The following PDE4D variants were observed in gnomAD, a reference collection of about 807,000 sequenced individuals.
PDE4D encodes phosphodiesterase 4D.
A neutral mutation model predicts 87.4 loss-of-function variants in PDE4D; 24 were observed. The ratio of observed to expected loss-of-function variants is 0.27; its 90% confidence interval spans 0.20 to 0.39. The LOEUF is 0.39. PDE4D is among the 10% of genes least tolerant of loss of function. The probability of loss-of-function intolerance (pLI) is 1.00; values close to 1 mark genes in which losing one functional copy is unlikely to be tolerated. For synonymous variants in PDE4D, 384 were observed against 383.2 expected, an observed-to-expected ratio of 1.00 and a Z score of -0.02; for missense variants, 714 against 1,041.0, an observed-to-expected ratio of 0.69 and a Z score of 4.32.
At chr5:60,261,720 G>A (rs532664253) in intron 1 of PDE4D, among the ~76,000 whole-genome samples, 4 of 152,084 alleles carry the variant, frequency 2.6e-5, no homozygotes, top group African/African-American at 7.2e-5. Flanking sequence ...TGCATTGATC[G>A]GGCTTAAGTC....
chr5:60,460,451 T>C, intron 1 of PDE4D: 1 of 1,505,184 alleles, frequency 6.6e-7, no homozygotes, highest in South Asian at 1.1e-5. Context: ...ACAAATGTTG[T>C]TACCCCAAAA....
intron 1 of PDE4D, among the ~76,000 whole-genome samples, chr5:59,576,454 G>A (rs55705267): frequency 0.017 from 2,634 of 151,952 alleles, 71 homozygotes; most frequent in African/African-American, 0.059. Flanking sequence ...AACATTATTT[G>A]AAAAATATAA....
At chr5:60,402,074 G>A (rs1164440824) in intron 1 of PDE4D, among the ~76,000 whole-genome samples, 5 of 152,308 alleles carry the variant, frequency 3.3e-5, no homozygotes, top group Non-Finnish European at 5.9e-5. Flanking sequence ...TGGAAAATAC[G>A]ACTGATGACT....
intron 1 of PDE4D, among the ~76,000 whole-genome samples, chr5:59,805,101 T>C (rs1047443755): frequency 1.3e-5 from 2 of 152,216 alleles, no homozygotes; most frequent in Admixed American, 1.3e-4. Flanking sequence ...CCACATTCTG[T>C]TTCTTAATCT....
chr5:60,437,041 G>C (rs1281892633), intron 1 of PDE4D, among the ~76,000 whole-genome samples: 1 of 152,048 alleles, frequency 6.6e-6, no homozygotes, highest in African/African-American at 2.4e-5. Flanking sequence ...CTCTAGATGT[G>C]TGACCTCAAC....
chr5:59,031,392 T>TTA (rs138464552), intron 6 of PDE4D, among the ~76,000 whole-genome samples: 636 of 34,078 alleles, frequency 0.019, 1 homozygote, highest in East Asian at 0.12. Flanking sequence ...TATATATATA[T>TTA]TATATATATA....
chr5:60,089,753 GT>G (rs1204937819), intron 2 of PDE4D, among the ~76,000 whole-genome samples: 2 of 149,888 alleles, frequency 1.3e-5, no homozygotes, highest in Admixed American at 1.3e-4. Context: ...AATGTAGTTG[GT>G]TTTTTGAAAA....
chr5:60,380,621 G>C (rs1761785427), intron 1 of PDE4D, among the ~76,000 whole-genome samples: 1 of 152,280 alleles, frequency 6.6e-6, no homozygotes, highest in Middle Eastern at 3.4e-3. Flanking sequence ...TAACTCTCTT[G>C]TTTTAGCAAG....
chr5:59,961,033 C>CTCTGGTCTATT (rs1759410510), intron 3 of PDE4D, among the ~76,000 whole-genome samples: 1 of 152,090 alleles, frequency 6.6e-6, no homozygotes, highest in African/African-American at 2.4e-5. Flanking sequence ...ACATTCCAGG[C>CTCTGGTCTATT]TCTGGTCTAT....
intron 1 of PDE4D, among the ~76,000 whole-genome samples, chr5:59,821,237 G>A (rs866858631): frequency 6.7e-6 from 1 of 148,882 alleles, no homozygotes; most frequent in Non-Finnish European, 1.5e-5. Context: ...TGTCTCAACA[G>A]CAACAACAAC....
intron 5 of PDE4D, among the ~76,000 whole-genome samples, chr5:59,177,819 G>A (rs1430312227): frequency 6.6e-6 from 1 of 152,124 alleles, no homozygotes; most frequent in Non-Finnish European, 1.5e-5. Context: ...ATACATTTGC[G>A]AACCTGTACC....
At chr5:60,059,040 A>ATGTG (rs70975363) in intron 2 of PDE4D, among the ~76,000 whole-genome samples, 19,167 of 142,270 alleles carry the variant, frequency 0.13, 1,581 homozygotes, top group African/African-American at 0.24. Context: ...GCATTGTCAT[A>ATGTG]TGTGTGTGTG....
chr5:60,081,694 T>C (rs1361883782), intron 2 of PDE4D, among the ~76,000 whole-genome samples: 10 of 151,784 alleles, frequency 6.6e-5, no homozygotes, highest in African/African-American at 2.4e-4. Flanking sequence ...CATGAAATTG[T>C]GTGGATTTTG....
chr5:59,514,749 C>A (rs1264751280), intron 1 of PDE4D, among the ~76,000 whole-genome samples: 2 of 152,170 alleles, frequency 1.3e-5, no homozygotes, highest in Non-Finnish European at 2.9e-5. Context: ...CCATGTACCT[C>A]TGTTTCTTCA....
At chr5:59,482,436 A>T (rs1330881552) in intron 1 of PDE4D, among the ~76,000 whole-genome samples, 1 of 152,142 alleles carries the variant, frequency 6.6e-6, no homozygotes, top group African/African-American at 2.4e-5. Context: ...TTACAGTTGT[A>T]AAGTGCTAAA....
chr5:60,360,911 T>C (rs960236559), intron 1 of PDE4D, among the ~76,000 whole-genome samples: 1 of 152,238 alleles, frequency 6.6e-6, no homozygotes, highest in Non-Finnish European at 1.5e-5. Context: ...TTTACTTGAA[T>C]TATTAGTTGA....
chr5:60,096,950 T>G (rs35396745), intron 2 of PDE4D, among the ~76,000 whole-genome samples: 21,402 of 152,108 alleles, frequency 0.14, 1,565 homozygotes, highest in South Asian at 0.22. Flanking sequence ...AAAACATCAT[T>G]AAAATGGGTA....
At chr5:59,012,704 G>T (rs1040346510) in intron 6 of PDE4D, among the ~76,000 whole-genome samples, 4 of 152,040 alleles carry the variant, frequency 2.6e-5, no homozygotes, top group African/African-American at 9.7e-5. Context: ...AATAATAATG[G>T]GAGACTTTAA....
rs1002769389 is a variant in PDE4D at position 58,973,724 on chromosome 5, A to C, written c.*940T>G. 2 of 152,642 alleles carry C rather than the reference A, an allele frequency of 1.3e-5. No homozygotes were observed. The highest frequency in any genetic ancestry group is 2.9e-5 in the Non-Finnish European group (2 of 68,038). The allele number at this position is 152,642 out of a possible 1,614,324, so 9.5% of individuals were successfully genotyped here. A position where few individuals can be genotyped will look rare whatever the true frequency, so the allele number is the denominator to read the frequency against. On this transcript the variant is annotated 3_prime_UTR_variant, in exon 15 of 15. Coordinates refer to ENST00000340635, the MANE Select transcript of PDE4D (RefSeq NM_001104631.2). ...CAAATAGTCACTTTGCACATGAAGA[A>C]AAACACTGGTGAAGAGCAACTCTGC...
Sources: allele counts gnomAD v4.1 joint callset (sites outside exome capture counted in the v4.1 genomes callset), GRCh38; gene constraint gnomAD v4.1.1; transcripts MANE v1.5; gene names NCBI Gene and HGNC (gene_info 2026-07-23, HGNC 2026-07-21).